Variants in YLPM1 observed in about 807,000 individuals in gnomAD.
YLPM1 encodes YLP motif-containing protein 1.
Under a neutral mutation model 230.0 loss-of-function variants are expected in YLPM1, and 99 were observed. That is an observed-to-expected ratio of 0.43 (90% confidence interval 0.37 to 0.51). YLPM1 has a LOEUF of 0.51. Ranked by LOEUF, YLPM1 falls within the 20% of genes least tolerant of loss-of-function variation. YLPM1 has a pLI of 0.00. For missense variants in YLPM1, 2,592 were observed against 2,707.7 expected (o/e 0.96, Z 0.95); for synonymous variants, 984 against 942.5 (o/e 1.04, Z -0.81).
At position 74,799,593 on chromosome 14, in the gene YLPM1, C is replaced by T. The variant is rs567564516; in HGVS notation, c.4296C>T (p.Ser1432=). 1.3e-5 allele frequency: 21 copies of T among 1,613,892 alleles called. No individual in the cohort carries two copies. The highest frequency in any genetic ancestry group is 1.6e-4 in the Middle Eastern group (1 of 6,062). ...SSHHSSEMMG[S]DASLDSDQGL... ...ATCATTCCTCAGAAATGATGGGGTC[C>T]GATGCAAGCTTAGACTCTGACCAAG... Residue 1432 remains serine, a synonymous_variant, in exon 5 of 21, where the codon TCC becomes TCT. Transcript: ENST00000325680.
At chr14:74,786,716 T>C (rs1431581438) in intron 4 of YLPM1, among the ~76,000 whole-genome samples, 1 of 152,192 alleles carries the variant, frequency 6.6e-6, no homozygotes, top group Admixed American at 6.5e-5. Flanking sequence ...AGTTTTTTGG[T>C]TATTATGAAA....
At chr14:74,817,830 G>A (rs1186450007) in intron 15 of YLPM1, among the ~76,000 whole-genome samples, 2 of 151,880 alleles carry the variant, frequency 1.3e-5, no homozygotes, top group South Asian at 2.1e-4. Context: ...TGAGGTGGGC[G>A]GATCGCTTGA....
intron 4 of YLPM1, among the ~76,000 whole-genome samples, chr14:74,794,401 C>T (rs1430459997): frequency 6.6e-6 from 1 of 152,182 alleles, no homozygotes; most frequent in Non-Finnish European, 1.5e-5. Context: ...AGGCTGGTCT[C>T]TAACTCCTGA....
At chr14:74,810,523 G>A in intron 9 of YLPM1, 103 bp downstream of exon 9, 2 of 1,228,290 alleles carry the variant, frequency 1.6e-6, no homozygotes, top group South Asian at 3.1e-5. Context: ...TCATGCATGT[G>A]TATATGTAAT....
chr14:74,802,510 G>T, intron 5 of YLPM1, 46 bp from the exon 6 acceptor site: 2 of 1,555,336 alleles, frequency 1.3e-6, no homozygotes, highest in Non-Finnish European at 1.7e-6. Flanking sequence ...ACTTAGGAAT[G>T]GAATAAGCAT....
Position 74,810,240 on chromosome 14 carries a change from G to A in YLPM1, c.5048G>A (p.Arg1683His), listed in dbSNP as rs1190861629. The A allele has an allele frequency of 2.5e-6, 4 of 1,613,588 alleles. No individual in the cohort carries two copies. The highest frequency in any genetic ancestry group is 1.7e-5 in the Admixed American group (1 of 59,978). ...GTTTTTGTAGAGCATGCAGGCCAAC[G>A]TGATCGTTATGATAGAGAAAGAGAT... ...STFETEHAGQ[R>H]DRYDRERDRE... Residue 1683 changes from arginine (R) to histidine (H), a missense_variant, in exon 9 of 21, where the codon CGT (arginine) becomes CAT (histidine). This residue lies in a region of YLPM1 where 403 missense variants were observed against 426.7 expected (regional missense o/e 0.94). Coordinates refer to ENST00000325680, the MANE Select transcript of YLPM1 (RefSeq NM_019589.3).
chr14:74,802,176 C>G (rs988574202), intron 5 of YLPM1, among the ~76,000 whole-genome samples: 3 of 149,872 alleles, frequency 2.0e-5, no homozygotes, highest in African/African-American at 7.4e-5. Flanking sequence ...TGAGATCGCG[C>G]CATTGCACTC....
At chr14:74,819,355 A>G (rs1052284590) in intron 16 of YLPM1, among the ~76,000 whole-genome samples, 2 of 148,820 alleles carry the variant, frequency 1.3e-5, no homozygotes, top group African/African-American at 5.0e-5. Flanking sequence ...GCTCACTGCA[A>G]CCTCCGCCTC....
intron 1 of YLPM1, among the ~76,000 whole-genome samples, chr14:74,765,456 T>C (rs1182765767): frequency 9.9e-5 from 15 of 152,226 alleles, no homozygotes; most frequent in Non-Finnish European, 4.4e-5. Context: ...GCACATCTTC[T>C]GGAGAAAACA....
intron 1 of YLPM1, among the ~76,000 whole-genome samples, chr14:74,771,138 G>C (rs2090972840): frequency 6.6e-6 from 1 of 152,122 alleles, no homozygotes; most frequent in South Asian, 2.1e-4. Flanking sequence ...ACATTTCTGG[G>C]GGTGAGGAGA....
At chr14:74,797,148 ATTTTTTTTTTT>A (rs71303895) in intron 4 of YLPM1, among the ~76,000 whole-genome samples, 1 of 100,800 alleles carries the variant, frequency 9.9e-6, no homozygotes, top group African/African-American at 4.2e-5. Flanking sequence ...AAATTTTTGT[ATTTTTTTTTTT>A]TTTTTTTTTT....
chr14:74,788,553 T>C (rs1364187118), intron 4 of YLPM1, among the ~76,000 whole-genome samples: 6 of 152,216 alleles, frequency 3.9e-5, no homozygotes, highest in Admixed American at 2.6e-4. Flanking sequence ...CTTAGAAATA[T>C]ATTGTCAGCT....
At position 74,782,140 on chromosome 14, in the gene YLPM1, T is replaced by C; in HGVS notation, c.2097T>C (p.Asn699=). 3.1e-6 allele frequency: 5 copies of C among 1,613,648 alleles called. No homozygotes were observed. Among genetic ancestry groups the C allele is most frequent in the Non-Finnish European group, 4.2e-6 (5 of 1,179,836 alleles). The change falls in exon 4 of 21, where the codon AAT becomes AAC. Residue 699 remains asparagine, a synonymous_variant. Transcript: ENST00000325680. The stretch of plus-strand genomic sequence containing the variant: ...CAGCTGGTCCATCAGAACAAGTGAA[T>C]TCAAAAGCTCCTTTGAGCAAGTCTG... ...LQSAGPSEQV[N]SKAPLSKSAL...
At chr14:74,764,663 G>A (rs2140062714) in intron 1 of YLPM1, among the ~76,000 whole-genome samples, 1 of 152,288 alleles carries the variant, frequency 6.6e-6, no homozygotes, top group African/African-American at 2.4e-5. Context: ...TGTTGCTGTT[G>A]CAAATAGATT....
chr14:74,820,100 C>CA (rs2140136989), intron 16 of YLPM1, among the ~76,000 whole-genome samples: 1 of 152,286 alleles, frequency 6.6e-6, no homozygotes, highest in Non-Finnish European at 1.5e-5. Context: ...AAATTCTCTA[C>CA]AAAAAATATA....
intron 5 of YLPM1, among the ~76,000 whole-genome samples, chr14:74,801,720 C>T (rs2091327578): frequency 6.6e-6 from 1 of 152,200 alleles, no homozygotes; most frequent in Admixed American, 6.5e-5. Flanking sequence ...CTACTGCACT[C>T]AGCTGATTGT....
intron 17 of YLPM1, 186 bp from the exon 18 acceptor site, chr14:74,824,070 G>T: frequency 1.7e-6 from 1 of 596,498 alleles, no homozygotes; most frequent in Non-Finnish European, 2.9e-6. Flanking sequence ...GGACAGTGAA[G>T]TTTGGTGAAT....
At chr14:74,808,494 G>T (rs879857659) in intron 6 of YLPM1, among the ~76,000 whole-genome samples, 4 of 152,026 alleles carry the variant, frequency 2.6e-5, no homozygotes, top group Non-Finnish European at 4.4e-5. Flanking sequence ...AAATGAAATT[G>T]CTGAGCCATA....
chr14:74,799,624 G>A lies in YLPM1; in HGVS notation c.4327G>A (p.Gly1443Arg), dbSNP rs1470457133. Residue 1443 changes from glycine to arginine, a missense_variant, in exon 5 of 21, where the codon GGA (glycine) becomes AGA (arginine). Physicochemically the swap from Gly to Arg is moderately radical, Grantham distance 125 (BLOSUM62 -2). Coordinates refer to ENST00000325680, the MANE Select transcript of YLPM1 (RefSeq NM_019589.3). The part of the protein sequence containing the change: ...DASLDSDQGL[G>R]GVMVLSQRQH... ...AAGCTTAGACTCTGACCAAGGCCTT[G>A]GAGGGGTAATGGTTCTCAGTCAGAG... 6.2e-7 allele frequency: 1 copy of A among 1,613,984 alleles called. No individual in the cohort carries two copies.
Sources: allele counts gnomAD v4.1 joint callset (sites outside exome capture counted in the v4.1 genomes callset), GRCh38; gene constraint gnomAD v4.1.1; regional missense constraint gnomAD v4.1.1; transcripts MANE v1.5; gene names NCBI Gene and HGNC (gene_info 2026-07-23, HGNC 2026-07-21).